The following GRID2 variants were observed in gnomAD, a reference collection of about 807,000 sequenced individuals.
GRID2 encodes the protein glutamate receptor ionotropic, delta-2.
A neutral mutation model predicts 114.8 loss-of-function variants in GRID2; 33 were observed. That is an observed-to-expected ratio of 0.29 (90% CI 0.22 to 0.38). GRID2 has a LOEUF of 0.38. GRID2 is among the 10% of genes least tolerant of loss of function. The pLI is 1.00. For missense variants in GRID2, 1,184 were observed against 1,257.7 expected, an observed-to-expected ratio of 0.94 and a Z score of 0.89; for synonymous variants, 505 against 449.9, an observed-to-expected ratio of 1.12 and a Z score of -1.55.
intron 1 of GRID2, among the ~76,000 whole-genome samples, chr4:92,470,887 T>C (rs1352249185): frequency 1.3e-5 from 2 of 152,012 alleles, no homozygotes; most frequent in African/African-American, 2.4e-5. Flanking sequence ...GCTTTCAAAG[T>C]AGGCTTAACT....
At chr4:93,231,621 T>A (rs1746160480) in intron 7 of GRID2, among the ~76,000 whole-genome samples, 1 of 152,154 alleles carries the variant, frequency 6.6e-6, no homozygotes, top group Non-Finnish European at 1.5e-5. Context: ...CGGGAATTGT[T>A]CCACCCTCTT....
intron 4 of GRID2, among the ~76,000 whole-genome samples, chr4:93,159,640 T>C (rs1460528720): frequency 6.6e-6 from 1 of 151,604 alleles, no homozygotes; most frequent in Non-Finnish European, 1.5e-5. Flanking sequence ...AATTTCATTA[T>C]TTTTCATTTT....
intron 1 of GRID2, among the ~76,000 whole-genome samples, chr4:92,433,047 G>T (rs151092824): frequency 6.6e-6 from 1 of 152,034 alleles, no homozygotes; most frequent in African/African-American, 2.4e-5. Flanking sequence ...TCATCCAGGC[G>T]CTGGGACCTG....
At chr4:92,497,003 A>G (rs994327797) in intron 1 of GRID2, among the ~76,000 whole-genome samples, 5 of 151,654 alleles carry the variant, frequency 3.3e-5, no homozygotes, top group African/African-American at 9.7e-5. Flanking sequence ...TTTATCCCCT[A>G]TTTTTTACCT....
chr4:93,202,623 G>C (rs951640835), intron 4 of GRID2, among the ~76,000 whole-genome samples: 1 of 152,090 alleles, frequency 6.6e-6, no homozygotes, highest in Non-Finnish European at 1.5e-5. Context: ...TAGTGTGATA[G>C]AGCATTATAT....
At chr4:93,572,811 G>A (rs1289067352) in intron 13 of GRID2, among the ~76,000 whole-genome samples, 1 of 152,014 alleles carries the variant, frequency 6.6e-6, no homozygotes, top group Non-Finnish European at 1.5e-5. Context: ...TGGAGAGAGG[G>A]GTTGCCATAT....
chr4:92,477,689 T>G (rs1722384590), intron 1 of GRID2, among the ~76,000 whole-genome samples: 1 of 150,004 alleles, frequency 6.7e-6, no homozygotes, highest in African/African-American at 2.4e-5. Flanking sequence ...GTAAATCATA[T>G]TTCTGAAGGA....
At chr4:92,788,286 A>C (rs1178439286) in intron 2 of GRID2, among the ~76,000 whole-genome samples, 1 of 151,892 alleles carries the variant, frequency 6.6e-6, no homozygotes, top group Non-Finnish European at 1.5e-5. Flanking sequence ...GTCAACAATC[A>C]GAATCAGAAA....
intron 2 of GRID2, among the ~76,000 whole-genome samples, chr4:92,884,038 G>A (rs1227109482): frequency 1.3e-5 from 2 of 152,074 alleles, no homozygotes; most frequent in Non-Finnish European, 2.9e-5. Flanking sequence ...TGCTTGTCCA[G>A]TATAAGGCTG....
intron 4 of GRID2, among the ~76,000 whole-genome samples, chr4:93,115,706 G>A (rs530043401): frequency 7.9e-4 from 120 of 152,224 alleles, no homozygotes; most frequent in African/African-American, 2.7e-3. Flanking sequence ...AAGGTGAAAG[G>A]TATGTCTTAC....
intron 2 of GRID2, among the ~76,000 whole-genome samples, chr4:92,696,627 T>C (rs1232875700): frequency 6.6e-6 from 1 of 152,156 alleles, no homozygotes; most frequent in Non-Finnish European, 1.5e-5. Context: ...TATATCCATA[T>C]TGCTGTGAAC....
intron 11 of GRID2, among the ~76,000 whole-genome samples, chr4:93,478,178 A>T (rs918718591): frequency 3.9e-5 from 6 of 152,148 alleles, no homozygotes; most frequent in African/African-American, 1.4e-4. Flanking sequence ...AAAGTAAGAA[A>T]CTGCCAAGTA....
At chr4:93,264,890 C>T (rs1750647015) in intron 8 of GRID2, among the ~76,000 whole-genome samples, 1 of 151,390 alleles carries the variant, frequency 6.6e-6, no homozygotes, top group Admixed American at 6.6e-5. Flanking sequence ...TCAAGTGATA[C>T]TCTTGCCTCA....
At chr4:93,652,478 TG>T (rs1722663193) in intron 14 of GRID2, among the ~76,000 whole-genome samples, 1 of 152,106 alleles carries the variant, frequency 6.6e-6, no homozygotes, top group Non-Finnish European at 1.5e-5. Context: ...TACCTATCAT[TG>T]TGTTACAATT....
At chr4:93,478,070 C>T (rs1725489249) in intron 11 of GRID2, among the ~76,000 whole-genome samples, 3 of 152,152 alleles carry the variant, frequency 2.0e-5, no homozygotes, top group Non-Finnish European at 2.9e-5. Flanking sequence ...AAACTGGAAA[C>T]CTGAAATCTG....
intron 6 of GRID2, among the ~76,000 whole-genome samples, chr4:93,218,881 G>T (rs184349436): frequency 7.9e-5 from 12 of 152,108 alleles, no homozygotes; most frequent in African/African-American, 2.9e-4. Context: ...CAAGTGCTGA[G>T]CAAAAGGTGG....
chr4:92,342,361 T>G (rs1221428398), intron 1 of GRID2, among the ~76,000 whole-genome samples: 1 of 152,296 alleles, frequency 6.6e-6, no homozygotes, highest in South Asian at 2.1e-4. Flanking sequence ...TTGGTGTATT[T>G]GTTTAAATAG....
At chr4:92,723,899 C>A (rs1156799244) in intron 2 of GRID2, among the ~76,000 whole-genome samples, 1 of 152,048 alleles carries the variant, frequency 6.6e-6, no homozygotes, top group African/African-American at 2.4e-5. Context: ...TGAGCATATT[C>A]AAAATAGCTA....
intron 2 of GRID2, among the ~76,000 whole-genome samples, chr4:92,915,451 T>C (rs540434955): frequency 5.9e-5 from 9 of 152,290 alleles, no homozygotes; most frequent in African/African-American, 1.9e-4. Context: ...CTAGTGTACT[T>C]ATTTTGTGAA....
Sources: gnomAD v4.1 joint callset for allele counts (sites outside exome capture counted in the v4.1 genomes callset) on GRCh38, gnomAD v4.1.1 for gene constraint, MANE v1.5 for transcripts, NCBI Gene and HGNC (gene_info 2026-07-23, HGNC 2026-07-21) for gene names.